TDRD12: variants seen among roughly 807,000 people sequenced by gnomAD.
TDRD12 encodes tudor domain containing 12.
A neutral mutation model predicts 133.5 loss-of-function variants in TDRD12; 158 were observed. The observed-to-expected ratio is 1.18, with a 90% CI of 1.04 to 1.35. The LOEUF is 1.35. TDRD12 is among the 40% of genes most tolerant of loss of function. The pLI, the probability that TDRD12 is intolerant of heterozygous loss-of-function variation, is 0.00. For synonymous variants in TDRD12, 460 were observed against 477.9 expected, an observed-to-expected ratio of 0.96 and a Z score of 0.49; for missense variants, 1,443 against 1,321.3, an observed-to-expected ratio of 1.09 and a Z score of -1.43.
chr19:32,797,416 G>A (rs1279229415), intron 14 of TDRD12, among the ~76,000 whole-genome samples: 1 of 152,122 alleles, frequency 6.6e-6, no homozygotes. Context: ...TGCAGCCTTG[G>A]GTAACTGACT....
In TDRD12 at chr19:32,782,764, T is replaced by A. The variant is rs190410350; in HGVS notation, c.1121+5535T>A. Among the ~76,000 whole-genome samples the A allele has an allele frequency of 2.1e-3, 315 of 152,352 alleles. 2 individuals are homozygous for A. Among genetic ancestry groups the A allele is most frequent in the African/African-American group, 7.3e-3 (305 of 41,572 alleles). On this transcript the variant is annotated intron_variant, in intron 11 of 27. Coordinates refer to ENST00000444215, the Ensembl canonical transcript of TDRD12. ...ATGTCTATTGGCTACATAAATGCCT[T>A]CTTTTGAGAAGTGTCTGTTCATGTC...
intron 11 of TDRD12, among the ~76,000 whole-genome samples, chr19:32,785,548 T>C (rs1970883335): frequency 6.6e-6 from 1 of 152,206 alleles, no homozygotes; most frequent in South Asian, 2.1e-4. Context: ...CTGTCTAATA[T>C]AGACAGTGGG....
intron 24 of TDRD12, among the ~76,000 whole-genome samples, chr19:32,812,223 CA>C (rs958021907): frequency 6.6e-6 from 1 of 151,844 alleles, no homozygotes; most frequent in African/African-American, 2.4e-5. Flanking sequence ...GGCACAGGCA[CA>C]GGGGGGCCCG....
intron 21 of TDRD12, among the ~76,000 whole-genome samples, chr19:32,805,112 A>G (rs1971504959): frequency 6.6e-6 from 1 of 150,836 alleles, no homozygotes; most frequent in South Asian, 2.1e-4. Flanking sequence ...AGCCTGGGCA[A>G]CACACAGAGA....
chr19:32,730,025 C>T (rs542145338), intron 1 of TDRD12, among the ~76,000 whole-genome samples: 134 of 151,948 alleles, frequency 8.8e-4, no homozygotes, highest in African/African-American at 3.2e-3. Context: ...CTCCTGACCT[C>T]GTGATCCGCC....
In TDRD12 at chr19:32,791,207, C is replaced by CATGA. The variant is rs530694447; in HGVS notation, c.1287+140_1287+143dup. On this transcript the variant is annotated intron_variant, in intron 13 of 27. Transcript: ENST00000444215. Reference sequence around the variant, plus strand: ...TTCTCTTTTTATTTGAGATTACAGGCATGAGCCACCACACTCGGCCTAATT... The same window carrying CATGA: ...TTCTCTTTTTATTTGAGATTACAGGCATGAATGAGCCACCACACTCGGCCTAATT... 2,585 of 885,942 alleles carry CATGA rather than the reference C, an allele frequency of 2.9e-3. 8 individuals carry two copies. The highest frequency in any genetic ancestry group is 8.3e-3 in the Middle Eastern group (28 of 3,392). The allele number at this position is 885,942 out of a possible 1,614,324, so 54.9% of individuals were successfully genotyped here.
intron 1 of TDRD12, among the ~76,000 whole-genome samples, chr19:32,728,811 ATTTTTTTT>A (rs34126241): frequency 8.6e-6 from 1 of 115,920 alleles, no homozygotes; most frequent in Non-Finnish European, 1.8e-5. Flanking sequence ...ACACCTGGCT[ATTTTTTTT>A]TTTTTTTTTT....
intron 11 of TDRD12, among the ~76,000 whole-genome samples, chr19:32,786,120 G>A (rs915273014): frequency 2.6e-5 from 4 of 152,160 alleles, no homozygotes; most frequent in African/African-American, 7.2e-5. Context: ...TGGAAGGCAG[G>A]CCTGGTGGTG....
At position 32,777,236 on chromosome 19, in the gene TDRD12, AT is replaced by A. The variant is rs1000829735; in HGVS notation, c.1121+13del. The A allele has an allele frequency of 4.0e-6, 6 of 1,497,446 alleles. No homozygotes were observed. The African/African-American group carries it at 5.7e-5, about 14-fold the overall frequency. 92.8% of individuals were successfully genotyped at this position (1,497,446 alleles called of 1,614,324 possible). On this transcript the variant is annotated splice_region_variant and intron_variant, in intron 11 of 27. Coordinates refer to ENST00000444215, the Ensembl canonical transcript of TDRD12. Reference sequence around the variant, plus strand: ...AGAAGAATAGCTGTGTGAAGTAAGAATTTTTTCCTTGGCCTGAATTGTGTAT... The same window carrying A: ...AGAAGAATAGCTGTGTGAAGTAAGAATTTTTCCTTGGCCTGAATTGTGTAT...
Position 32,800,175 on chromosome 19 carries a change from T to G in TDRD12, c.1767T>G (p.Ala589=), listed in dbSNP as rs745665141. ...TTATGCTAATTTTTCAGATGTTTGC[T>G]ATATTAGATAACTTTAAAAAAAATA... Residue 589 remains alanine (A), a synonymous_variant, in exon 17 of 28, where the codon GCT becomes GCG. Transcript: ENST00000444215. The G allele has an allele frequency of 2.7e-6, 4 of 1,478,274 alleles. No homozygotes were observed. The South Asian group carries it at 5.1e-5, about 19-fold the overall frequency. The allele number at this position is 1,478,274 out of a possible 1,614,324, so 91.6% of individuals were successfully genotyped here.
chr19:32,769,021 G>A (rs996522638), intron 8 of TDRD12, among the ~76,000 whole-genome samples: 2 of 152,144 alleles, frequency 1.3e-5, no homozygotes, highest in African/African-American at 4.8e-5. Context: ...GGGATTATAG[G>A]TGCAAGCCAC....
At chr19:32,760,069 C>T (rs1184667666) in intron 8 of TDRD12, among the ~76,000 whole-genome samples, 1 of 152,176 alleles carries the variant, frequency 6.6e-6, no homozygotes, top group Non-Finnish European at 1.5e-5. Flanking sequence ...TATTCTTTTT[C>T]CATTGGAGGA....
At chr19:32,829,482 T>G (rs1394676116), downstream of TDRD12, 2 of 152,248 alleles carry the variant, frequency 1.3e-5, no homozygotes, top group East Asian at 3.8e-4. Context: ...AAGGTGAAAG[T>G]GCCTTTGTCT....
chr19:32,812,524 G>A (rs1297193186), intron 24 of TDRD12, among the ~76,000 whole-genome samples: 1 of 152,202 alleles, frequency 6.6e-6, no homozygotes, highest in Non-Finnish European at 1.5e-5. Flanking sequence ...ACTCTTCTAA[G>A]TTTAGTAAAA....
intron 6 of TDRD12, among the ~76,000 whole-genome samples, chr19:32,754,669 C>CTTTTTT (rs35714049): frequency 1.9e-3 from 133 of 70,026 alleles, no homozygotes; most frequent in Non-Finnish European, 2.5e-3. Flanking sequence ...ATGACTCTAT[C>CTTTTTT]TTTTTTTTTT....
intron 8 of TDRD12, among the ~76,000 whole-genome samples, chr19:32,763,252 A>G (rs889741146): frequency 6.6e-6 from 1 of 151,900 alleles, no homozygotes; most frequent in Non-Finnish European, 1.5e-5. Context: ...TGTGATTTTA[A>G]TTGGGCATTT....
chr19:32,730,273 T>C (rs1969007656), intron 1 of TDRD12, among the ~76,000 whole-genome samples: 1 of 152,168 alleles, frequency 6.6e-6, no homozygotes, highest in South Asian at 2.1e-4. Context: ...AACTCTGTTC[T>C]CTGATTCCTC....
At chr19:32,733,182 T>C (rs923544312) in intron 2 of TDRD12, among the ~76,000 whole-genome samples, 3 of 151,960 alleles carry the variant, frequency 2.0e-5, no homozygotes, top group East Asian at 3.9e-4. Context: ...AAAAAAAATA[T>C]GCGTAGCCGG....
rs1966946961 is a variant in TDRD12, at chr19:32,810,078, C to CT, written c.2653-14dup. ...TAAGTTTGTTTCTTGGTCATGTTTACTATATATGTTTCAGATAATACCTTT... is the reference window on the plus strand; with the variant it reads ...TAAGTTTGTTTCTTGGTCATGTTTACTTATATATGTTTCAGATAATACCTTT... On this transcript the variant is annotated splice_polypyrimidine_tract_variant and intron_variant, in intron 22 of 27. Coordinates refer to ENST00000444215, the Ensembl canonical transcript of TDRD12. 6.8e-7 allele frequency: 1 copy of CT among 1,474,082 alleles called. No individual in the cohort carries two copies. The highest frequency in any genetic ancestry group is 1.4e-5 in the African/African-American group (1 of 71,122). 91.3% of individuals were successfully genotyped at this position (1,474,082 alleles called of 1,614,324 possible). A position where few individuals can be genotyped will look rare whatever the true frequency, so the allele number is the denominator to read the frequency against.
Sources: allele counts gnomAD v4.1 joint callset (sites outside exome capture counted in the v4.1 genomes callset), GRCh38; gene constraint gnomAD v4.1.1; transcripts MANE v1.5; gene names NCBI Gene and HGNC (gene_info 2026-07-23, HGNC 2026-07-21).